SERPINB7: variants seen among roughly 807,000 people sequenced by gnomAD.
SERPINB7 encodes the protein serpin family B member 7.
A neutral mutation model predicts 37.4 loss-of-function variants in SERPINB7; 31 were observed. The observed-to-expected ratio is 0.83, with a 90% confidence interval of 0.62 to 1.12. The LOEUF (loss-of-function observed/expected upper bound fraction) is 1.12. SERPINB7 is among the 50% of genes most tolerant of loss of function. The pLI is 0.00. For missense variants in SERPINB7, 521 were observed against 455.3 expected (o/e 1.14, Z -1.31); for synonymous variants, 163 against 166.1 (o/e 0.98, Z 0.14).
At chr18:63,762,769 G>A (rs2049161252) in intron 1 of SERPINB7, among the ~76,000 whole-genome samples, 1 of 152,150 alleles carries the variant, frequency 6.6e-6, no homozygotes, top group Non-Finnish European at 1.5e-5. Flanking sequence ...TATGAGAAGA[G>A]TCATTTAATG....
chr18:63,783,226 GAGAGAGAGAAAGAAAGAAAGAAAGAA>G (rs2049326880), intron 2 of SERPINB7, among the ~76,000 whole-genome samples: 4 of 62,764 alleles, frequency 6.4e-5, no homozygotes, highest in Non-Finnish European at 1.0e-4. Context: ...GAGAGAGAGA[GAGAGAGAGAAAGAAAGAAAGAAAGAA>G]AGAAAGAAAG....
At chr18:63,760,159 A>G (rs768893418) in intron 1 of SERPINB7, among the ~76,000 whole-genome samples, 1 of 152,234 alleles carries the variant, frequency 6.6e-6, no homozygotes, top group Non-Finnish European at 1.5e-5. Flanking sequence ...AATATGGACA[A>G]TAAAGTCCAG....
rs62098578 is a variant in SERPINB7, at chr18:63,788,478, T to C, written c.169-3915T>C. Among the ~76,000 whole-genome samples, 658 of 152,314 alleles carry C rather than the reference T, an allele frequency of 4.3e-3. 10 individuals are homozygous for C. The East Asian group carries it at 0.06, about 14-fold the overall frequency. ...GTGTTGTTACAAAAGAATCAAAATG[T>C]TTTTAAAAAATAAGAAGTTTATAAA... On this transcript the variant is annotated intron_variant, in intron 2 of 7. Transcript: ENST00000398019.
chr18:63,778,035 C>T (rs1196915777), intron 1 of SERPINB7: 2 of 151,992 alleles, frequency 1.3e-5, no homozygotes, highest in Non-Finnish European at 2.9e-5. Context: ...GCTTCTCCAC[C>T]TTACAGCTTG....
At chr18:63,795,020 C>T (rs2049472300) in intron 4 of SERPINB7, among the ~76,000 whole-genome samples, 1 of 152,188 alleles carries the variant, frequency 6.6e-6, no homozygotes, top group Non-Finnish European at 1.5e-5. Flanking sequence ...CATTGAATTA[C>T]TAATGTGTTG....
At chr18:63,794,554 G>T (rs890780614) in intron 4 of SERPINB7, among the ~76,000 whole-genome samples, 23 of 152,140 alleles carry the variant, frequency 1.5e-4, no homozygotes, top group Non-Finnish European at 2.8e-4. Context: ...GCCGGGCGCG[G>T]TGGCAGGCGC....
chr18:63,762,071 C>G (rs1807407955), intron 1 of SERPINB7, among the ~76,000 whole-genome samples: 1 of 152,144 alleles, frequency 6.6e-6, no homozygotes, highest in African/African-American at 2.4e-5. Context: ...TTCATGCCAC[C>G]TCGTAATTGC....
chr18:63,794,940 A>G (rs1301776181), intron 4 of SERPINB7, among the ~76,000 whole-genome samples: 1 of 152,224 alleles, frequency 6.6e-6, no homozygotes, highest in Non-Finnish European at 1.5e-5. Context: ...CACTAACAAT[A>G]CATGGTTTGT....
intron 1 of SERPINB7, among the ~76,000 whole-genome samples, chr18:63,758,711 G>A (rs1192436402): frequency 2.0e-5 from 3 of 152,108 alleles, no homozygotes; most frequent in South Asian, 2.1e-4. Context: ...AAATCCTCAC[G>A]ACAATCTTGG....
chr18:63,759,708 T>G (rs1330330813), intron 1 of SERPINB7, among the ~76,000 whole-genome samples: 1 of 152,166 alleles, frequency 6.6e-6, no homozygotes, highest in African/African-American at 2.4e-5. Context: ...AGGGAGGTAA[T>G]TGAATCAAGG....
intron 1 of SERPINB7, among the ~76,000 whole-genome samples, chr18:63,756,804 T>TTGTGTGTGTG (rs74169985): frequency 0.068 from 9,318 of 137,134 alleles, 400 homozygotes; most frequent in Non-Finnish European, 0.081. Context: ...TTGGGGTAGC[T>TTGTGTGTGTG]TGTGTGTGTG....
chr18:63,754,847 T>A (rs2144578748), intron 1 of SERPINB7, among the ~76,000 whole-genome samples: 1 of 149,536 alleles, frequency 6.7e-6, no homozygotes, highest in South Asian at 2.1e-4. Context: ...GTCCTAACAA[T>A]TTTCTAGTGC....
intron 1 of SERPINB7, among the ~76,000 whole-genome samples, chr18:63,760,615 A>C (rs892424112): frequency 6.6e-6 from 1 of 152,114 alleles, no homozygotes; most frequent in Non-Finnish European, 1.5e-5. Flanking sequence ...CCAGGAGGAA[A>C]AAGTGGTTTT....
chr18:63,795,545 C>T (rs1383095554), intron 4 of SERPINB7, among the ~76,000 whole-genome samples: 1 of 122,552 alleles, frequency 8.2e-6, no homozygotes, highest in Non-Finnish European at 1.7e-5. Context: ...TGCAAGGGGA[C>T]AAGAGTGAGA....
At chr18:63,762,543 T>G (rs1224154263) in intron 1 of SERPINB7, among the ~76,000 whole-genome samples, 1 of 152,162 alleles carries the variant, frequency 6.6e-6, no homozygotes, top group African/African-American at 2.4e-5. Context: ...AGAGATTATA[T>G]GTATTGAGGA....
intron 1 of SERPINB7, among the ~76,000 whole-genome samples, chr18:63,757,810 T>C (rs893812802): frequency 2.0e-5 from 3 of 152,228 alleles, no homozygotes; most frequent in Admixed American, 2.0e-4. Flanking sequence ...CTGTAAGCAC[T>C]GGCAGTATGC....
At chr18:63,802,060 A>G (rs1257596897) in intron 7 of SERPINB7, among the ~76,000 whole-genome samples, 2 of 152,218 alleles carry the variant, frequency 1.3e-5, no homozygotes, top group Non-Finnish European at 2.9e-5. Context: ...ATCTTAGCCT[A>G]TGCCAAATAA....
intron 1 of SERPINB7, among the ~76,000 whole-genome samples, chr18:63,755,025 G>A (rs1432189817): frequency 6.6e-6 from 1 of 150,856 alleles, no homozygotes; most frequent in Non-Finnish European, 1.5e-5. Flanking sequence ...TCAGCCTCCC[G>A]AGTAGCTGGG....
At chr18:63,788,701 G>A (rs1026740932) in intron 2 of SERPINB7, among the ~76,000 whole-genome samples, 1 of 152,184 alleles carries the variant, frequency 6.6e-6, no homozygotes, top group African/African-American at 2.4e-5. Context: ...TTCATGGGAA[G>A]TGCCTATACT....
Sources: gnomAD v4.1 joint callset for allele counts (sites outside exome capture counted in the v4.1 genomes callset) on GRCh38, gnomAD v4.1.1 for gene constraint, MANE v1.5 for transcripts, NCBI Gene and HGNC (gene_info 2026-07-23, HGNC 2026-07-21) for gene names.